SFI1: variants seen among roughly 807,000 people sequenced by gnomAD.
SFI1 encodes protein SFI1 homolog.
SFI1 carries 195 observed loss-of-function variants against 207.5 expected under a neutral mutation model. The ratio of observed to expected loss-of-function variants is 0.94; its 90% CI spans 0.84 to 1.06. The LOEUF is 1.06. Ranked by LOEUF, SFI1 falls within the 50% of genes least tolerant of loss-of-function variation. The pLI is 0.00. For missense variants in SFI1, 1,634 were observed against 1,588.0 expected (o/e 1.03, Z -0.49); for synonymous variants, 630 against 598.9 (o/e 1.05, Z -0.76).
At chr22:31,605,786 C>A in intron 20 of SFI1, 1 of 153,152 alleles carries the variant, frequency 6.5e-6, no homozygotes, top group Non-Finnish European at 1.5e-5. Context: ...AGGTCAAGGC[C>A]ACAGTGAGCC....
intron 4 of SFI1, among the ~76,000 whole-genome samples, chr22:31,538,793 C>A (rs1157154471): frequency 6.6e-6 from 1 of 152,106 alleles, no homozygotes; most frequent in Admixed American, 6.6e-5. Flanking sequence ...TTTGTTGATT[C>A]TTCCTCATCT....
intron 2 of SFI1, among the ~76,000 whole-genome samples, chr22:31,514,775 CTT>C (rs1219405122): frequency 1.1e-4 from 15 of 141,028 alleles, no homozygotes; most frequent in African/African-American, 1.3e-4. Flanking sequence ...GAATTTCTTC[CTT>C]TTTTTTTTTT....
chr22:31,497,485 T>G (rs986628222), intron 1 of SFI1: 1 of 152,124 alleles, frequency 6.6e-6, no homozygotes, highest in African/African-American at 2.4e-5. Context: ...CAAACTTAAG[T>G]GTTGTGTCTG....
At chr22:31,509,626 T>G (rs750053434) in intron 2 of SFI1, among the ~76,000 whole-genome samples, 1 of 152,198 alleles carries the variant, frequency 6.6e-6, no homozygotes, top group East Asian at 1.9e-4. Flanking sequence ...ACTCAAATGT[T>G]AATATCTTCT....
chr22:31,617,349 C>T (rs547382232), intron 31 of SFI1, among the ~76,000 whole-genome samples: 241 of 151,030 alleles, frequency 1.6e-3, no homozygotes, highest in African/African-American at 5.2e-3. Flanking sequence ...ATGGGGGGGA[C>T]GATAAAGTTG....
intron 27 of SFI1, 34 bp from the exon 28 acceptor site, chr22:31,614,755 A>G (rs569342342): frequency 6.2e-7 from 1 of 1,602,946 alleles, no homozygotes; most frequent in East Asian, 2.2e-5. Flanking sequence ...GCCCCTGGTC[A>G]GCCCAGGGGA....
intron 15 of SFI1, among the ~76,000 whole-genome samples, chr22:31,598,789 CTTTTTTTTTTTT>C (rs1203871840): frequency 3.1e-5 from 2 of 64,412 alleles, no homozygotes; most frequent in Non-Finnish European, 5.5e-5. Context: ...TCCAGTTTAT[CTTTTTTTTTTTT>C]TTTTTTTTTT....
intron 2 of SFI1, among the ~76,000 whole-genome samples, chr22:31,523,910 C>T (rs2057575459): frequency 6.6e-6 from 1 of 150,912 alleles, no homozygotes; most frequent in South Asian, 2.1e-4. Flanking sequence ...TGTATTAAAC[C>T]TAAGTTGCAA....
chr22:31,507,237 C>T (rs1386316706), intron 1 of SFI1, among the ~76,000 whole-genome samples: 4 of 152,074 alleles, frequency 2.6e-5, no homozygotes. Context: ...ACAAATGTGA[C>T]CAAAACCAGC....
chr22:31,556,655 T>C (rs532036170), intron 6 of SFI1, among the ~76,000 whole-genome samples: 1 of 152,216 alleles, frequency 6.6e-6, no homozygotes, highest in Non-Finnish European at 1.5e-5. Context: ...CGTCTAAAAA[T>C]TGCAGAGTAT....
intron 4 of SFI1, among the ~76,000 whole-genome samples, chr22:31,546,002 C>A (rs995732126): frequency 6.6e-6 from 1 of 151,346 alleles, no homozygotes; most frequent in Non-Finnish European, 1.5e-5. Context: ...AAGCGATCCT[C>A]CCACCTCAGC....
intron 1 of SFI1, among the ~76,000 whole-genome samples, chr22:31,499,558 T>G (rs758480549): frequency 2.0e-5 from 3 of 152,154 alleles, no homozygotes; most frequent in Non-Finnish European, 4.4e-5. Flanking sequence ...GAGTATTACA[T>G]AAACTTAGTT....
rs142879295 is a variant in SFI1 at position 31,500,026 on chromosome 22, G to A, written c.-31+3389G>A. 3.2e-3 allele frequency among the ~76,000 whole-genome samples: 468 copies of A among 147,710 alleles called. 5 individuals are homozygous for A. Among genetic ancestry groups the A allele is most frequent in the African/African-American group, 9.5e-3 (378 of 39,798 alleles). On this transcript the variant is annotated intron_variant, in intron 1 of 32. Transcript: ENST00000400288. ...AAACATTGAAAATGCCACAGTTGCC[G>A]GATGCAGTATAATCCTGCATTACAG...
At chr22:31,541,016 C>T (rs998896912) in intron 4 of SFI1, among the ~76,000 whole-genome samples, 4 of 152,148 alleles carry the variant, frequency 2.6e-5, no homozygotes, top group Non-Finnish European at 5.9e-5. Flanking sequence ...TGGCTCGCCT[C>T]TCCGGAGATA....
Position 31,528,599 on chromosome 22 carries a change from C to T in SFI1, c.93-91C>T, listed in dbSNP as rs953136406. The T allele has an allele frequency of 2.6e-6, 3 of 1,138,088 alleles. No individual in the cohort carries two copies. In the African/African-American group the frequency reaches 4.6e-5, roughly 18 times the overall value. The allele number at this position is 1,138,088 out of a possible 1,614,324, so 70.5% of individuals were successfully genotyped here. A position where few individuals can be genotyped will look rare whatever the true frequency, so the allele number is the denominator to read the frequency against. ...GTATTGTCAGTCTCAATGAGCTTATCTGTTTAATTTTGCTTGTATATTAAA... is the reference window on the plus strand; with the variant it reads ...GTATTGTCAGTCTCAATGAGCTTATTTGTTTAATTTTGCTTGTATATTAAA... On this transcript the variant is annotated intron_variant, in intron 2 of 32. Coordinates refer to ENST00000400288, the MANE Select transcript of SFI1 (RefSeq NM_001007467.3).
At position 31,546,968 on chromosome 22, in the gene SFI1, A is replaced by G. The variant is rs1365277376; in HGVS notation, c.446A>G (p.Tyr149Cys). Residue 149 changes from tyrosine to cysteine, a missense_variant, in exon 5 of 33, where the codon TAC becomes TGC. Physicochemically the swap from Tyr to Cys is radical, Grantham distance 194 (BLOSUM62 -2). Coordinates refer to ENST00000400288, the MANE Select transcript of SFI1 (RefSeq NM_001007467.3). Reference sequence around the variant, plus strand: ...CTCTGTGTTCGAGCTGACTGTCACTACAGGTCAGGTTTCATGTTACACTCC... The same window carrying G: ...CTCTGTGTTCGAGCTGACTGTCACTGCAGGTCAGGTTTCATGTTACACTCC... The part of the protein sequence containing the change: ...WKLCVRADCH[Y>C]RYYLYNLMFQ... 6.2e-7 allele frequency: 1 copy of G among 1,602,430 alleles called. No individual in the cohort carries two copies. Among genetic ancestry groups the G allele is most frequent in the East Asian group, 2.2e-5 (1 of 44,648 alleles).
intron 2 of SFI1, among the ~76,000 whole-genome samples, chr22:31,509,057 C>CT (rs887488311): frequency 1.3e-5 from 2 of 152,044 alleles, no homozygotes; most frequent in African/African-American, 4.8e-5. Flanking sequence ...GGTTTTTGCT[C>CT]TTTTTTCTAT....
chr22:31,603,668 A>T, intron 17 of SFI1, 76 bp from the exon 18 acceptor site: 1 of 1,259,492 alleles, frequency 7.9e-7, no homozygotes. Flanking sequence ...AGGGCTATGG[A>T]CTATGAGGAG....
intron 1 of SFI1, among the ~76,000 whole-genome samples, chr22:31,504,308 C>T (rs556380154): frequency 3.9e-5 from 6 of 152,228 alleles, no homozygotes; most frequent in African/African-American, 1.4e-4. Context: ...TTATGATGAC[C>T]TCTGTTACTT....
Sources: gnomAD v4.1 joint callset for allele counts (sites outside exome capture counted in the v4.1 genomes callset) on GRCh38, gnomAD v4.1.1 for gene constraint, MANE v1.5 for transcripts, NCBI Gene and HGNC (gene_info 2026-07-23, HGNC 2026-07-21) for gene names.